TIAM2: variants seen among roughly 807,000 people sequenced by gnomAD.
TIAM2 encodes the protein rho guanine nucleotide exchange factor TIAM2.
TIAM2 carries 80 observed loss-of-function variants against 152.9 expected under a neutral mutation model. The ratio of observed to expected loss-of-function variants is 0.52; its 90% confidence interval spans 0.44 to 0.63. The LOEUF is 0.63. TIAM2 is among the 30% of genes least tolerant of loss of function. TIAM2 has a pLI of 0.00. For missense variants in TIAM2, 1,965 were observed against 2,120.1 expected (o/e 0.93, Z 1.44); for synonymous variants, 804 against 838.0 (o/e 0.96, Z 0.70).
At chr6:155,048,949 T>C (rs1292182866) in intron 1 of TIAM2, among the ~76,000 whole-genome samples, 1 of 151,982 alleles carries the variant, frequency 6.6e-6, no homozygotes, top group African/African-American at 2.4e-5. Context: ...TATAGGTGCA[T>C]GCCACCATGC....
chr6:155,257,210 A>AC lies in TIAM2; in HGVS notation c.*89_*90insC. 1 of 1,177,034 alleles carries AC rather than the reference A, an allele frequency of 8.5e-7. No individual in the cohort carries two copies. Among genetic ancestry groups the AC allele is most frequent in the South Asian group, 1.5e-5 (1 of 67,630 alleles). The allele number at this position is 1,177,034 out of a possible 1,614,324, so 72.9% of individuals were successfully genotyped here. A position where few individuals can be genotyped will look rare whatever the true frequency, so the allele number is the denominator to read the frequency against. On this transcript the variant is annotated 3_prime_UTR_variant, in exon 27 of 27. Transcript: ENST00000682666. ...AATTGCAAAAAAAAAAAAAAAAAAA[A>AC]ACTGTTCATTCCTGGGTTTTGTGCA...
At chr6:155,114,049 T>TTTTTTTTTTTTTTTTTTTTTTTTTTTTTG (rs1778947569) in intron 2 of TIAM2, among the ~76,000 whole-genome samples, 1 of 63,582 alleles carries the variant, frequency 1.6e-5, no homozygotes, top group African/African-American at 7.4e-5. Flanking sequence ...TTTTTTTTTT[T>TTTTTTTTTTTTTTTTTTTTTTTTTTTTTG]CTTTTTTTTT....
At chr6:155,105,889 A>G (rs1778674077) in intron 2 of TIAM2, among the ~76,000 whole-genome samples, 2 of 152,144 alleles carry the variant, frequency 1.3e-5, no homozygotes, top group African/African-American at 4.8e-5. Flanking sequence ...TCTATAAAAT[A>G]TGAAGGTTTG....
chr6:155,226,390 T>C (rs1782244341), intron 15 of TIAM2, among the ~76,000 whole-genome samples: 1 of 152,022 alleles, frequency 6.6e-6, no homozygotes, highest in Non-Finnish European at 1.5e-5. Flanking sequence ...TGATGGTAGG[T>C]TGGGTGTGGT....
chr6:155,056,079 C>T (rs1315908376), intron 1 of TIAM2, among the ~76,000 whole-genome samples: 1 of 151,710 alleles, frequency 6.6e-6, no homozygotes, highest in Admixed American at 6.6e-5. Flanking sequence ...ATTAAAACTA[C>T]CTTTTAATTT....
At chr6:155,065,542 C>T (rs1480668000) in intron 1 of TIAM2, among the ~76,000 whole-genome samples, 2 of 151,900 alleles carry the variant, frequency 1.3e-5, no homozygotes, top group African/African-American at 2.4e-5. Context: ...CTTTGGGAGG[C>T]GGAGGTGGGT....
chr6:155,132,344 A>G (rs1779467496), intron 4 of TIAM2, among the ~76,000 whole-genome samples: 1 of 150,782 alleles, frequency 6.6e-6, no homozygotes, highest in Non-Finnish European at 1.5e-5. Flanking sequence ...AGATTTATGA[A>G]GTTTGACTTT....
At chr6:155,144,334 G>C (rs951776375) in intron 5 of TIAM2, among the ~76,000 whole-genome samples, 2 of 152,238 alleles carry the variant, frequency 1.3e-5, no homozygotes, top group African/African-American at 2.4e-5. Flanking sequence ...AAATAAGCCA[G>C]TGCATGTGGA....
chr6:155,198,516 G>A (rs561246251), intron 14 of TIAM2, among the ~76,000 whole-genome samples: 28 of 152,086 alleles, frequency 1.8e-4, no homozygotes, highest in African/African-American at 5.5e-4. Context: ...TACAAAATTA[G>A]CCAGGCATGG....
chr6:155,248,491 G>A (rs1313685781), intron 20 of TIAM2, among the ~76,000 whole-genome samples: 2 of 152,234 alleles, frequency 1.3e-5, no homozygotes, highest in Admixed American at 1.3e-4. Flanking sequence ...TCACGTGGCT[G>A]TGAAACAGTG....
chr6:154,998,409 G>C (rs940295001), intron 1 of TIAM2, among the ~76,000 whole-genome samples: 3 of 152,274 alleles, frequency 2.0e-5, no homozygotes, highest in Non-Finnish European at 1.5e-5. Flanking sequence ...TCTCCAATGA[G>C]ATCAGTATTT....
intron 12 of TIAM2, 123 bp downstream of exon 12, chr6:155,179,579 T>A: frequency 1.2e-6 from 1 of 816,614 alleles, no homozygotes; most frequent in Non-Finnish European, 1.9e-6. Flanking sequence ...TGACAGTAGT[T>A]TCTGAACTTC....
At chr6:155,225,637 G>A (rs538959217) in intron 15 of TIAM2, among the ~76,000 whole-genome samples, 44 of 152,206 alleles carry the variant, frequency 2.9e-4, no homozygotes, top group African/African-American at 1.0e-3. Flanking sequence ...TGTATTTATT[G>A]ATTTCTATTT....
intron 1 of TIAM2, among the ~76,000 whole-genome samples, chr6:155,010,837 C>T (rs952478857): frequency 6.6e-6 from 1 of 152,104 alleles, no homozygotes; most frequent in Non-Finnish European, 1.5e-5. Context: ...CCGCCCGCCT[C>T]GGCCTCCCAA....
chr6:155,160,048 A>G (rs538544134), intron 7 of TIAM2, among the ~76,000 whole-genome samples: 119 of 152,296 alleles, frequency 7.8e-4, no homozygotes, highest in Admixed American at 3.1e-3. Flanking sequence ...GAAATTTATT[A>G]TAAGAAATAG....
At chr6:155,119,736 G>A (rs1562322533) in intron 2 of TIAM2, among the ~76,000 whole-genome samples, 2 of 152,138 alleles carry the variant, frequency 1.3e-5, no homozygotes, top group African/African-American at 4.8e-5. Context: ...TACCTCTTGT[G>A]GTTTTATAAG....
At chr6:155,220,487 G>A (rs909238953) in intron 15 of TIAM2, among the ~76,000 whole-genome samples, 1 of 152,192 alleles carries the variant, frequency 6.6e-6, no homozygotes, top group Admixed American at 6.5e-5. Flanking sequence ...CAGTGCTTGT[G>A]TCTCCTGATC....
At chr6:155,131,912 G>A (rs1655071805) in intron 4 of TIAM2, among the ~76,000 whole-genome samples, 1 of 151,954 alleles carries the variant, frequency 6.6e-6, no homozygotes, top group Non-Finnish European at 1.5e-5. Flanking sequence ...CATGGAGATA[G>A]CTAATGGCAT....
chr6:155,168,475 G>A (rs910162356), intron 9 of TIAM2, among the ~76,000 whole-genome samples: 10 of 152,026 alleles, frequency 6.6e-5, no homozygotes, highest in Non-Finnish European at 1.2e-4. Context: ...CTCTGCCTCA[G>A]CCTCCTGAGT....
Sources: allele counts gnomAD v4.1 joint callset (sites outside exome capture counted in the v4.1 genomes callset), GRCh38; gene constraint gnomAD v4.1.1; transcripts MANE v1.5; gene names NCBI Gene and HGNC (gene_info 2026-07-23, HGNC 2026-07-21).